Variants in CDC42BPB observed in about 807,000 individuals in gnomAD.
The protein encoded by CDC42BPB is CDC42 binding protein kinase beta, also known as serine/threonine-protein kinase MRCK beta.
In CDC42BPB, 37 loss-of-function variants were observed where a neutral mutation model predicts 214.9. That is an observed-to-expected ratio of 0.17 (90% CI 0.13 to 0.23). The LOEUF (loss-of-function observed/expected upper bound fraction) is 0.23, where lower values mean the gene tolerates loss of function less well. Among genes scored for constraint, CDC42BPB ranks in the 10% least tolerant of loss-of-function variants. CDC42BPB has a pLI of 1.00. For missense variants in CDC42BPB, 1,694 were observed against 2,227.0 expected, an observed-to-expected ratio of 0.76 and a Z score of 4.82; for synonymous variants, 931 against 884.0, an observed-to-expected ratio of 1.05 and a Z score of -0.94.
At chr14:102,988,902 C>T (rs868718201) in intron 5 of CDC42BPB, among the ~76,000 whole-genome samples, 18 of 145,260 alleles carry the variant, frequency 1.2e-4, no homozygotes, top group Admixed American at 1.0e-3. Flanking sequence ...CAAACCAACA[C>T]GTGGGTTTTC....
chr14:102,991,447 C>T (rs1894484332), intron 5 of CDC42BPB, among the ~76,000 whole-genome samples: 1 of 152,190 alleles, frequency 6.6e-6, no homozygotes, highest in Non-Finnish European at 1.5e-5. Flanking sequence ...GAAGACATGA[C>T]AATAAATGCA....
At chr14:103,017,937 T>C (rs1162634048) in intron 1 of CDC42BPB, among the ~76,000 whole-genome samples, 1 of 152,216 alleles carries the variant, frequency 6.6e-6, no homozygotes, top group Non-Finnish European at 1.5e-5. Context: ...AGGAAATACA[T>C]GCTAAAGCAG....
At chr14:103,000,554 T>C (rs893500639) in intron 4 of CDC42BPB, among the ~76,000 whole-genome samples, 13 of 152,198 alleles carry the variant, frequency 8.5e-5, no homozygotes, top group African/African-American at 2.9e-4. Flanking sequence ...TGTGCCTCAG[T>C]GAATGCTGGG....
Position 102,950,333 on chromosome 14 carries a change from G to T in CDC42BPB, c.3309+133C>A, listed in dbSNP as rs905883501. ...ACCTGATGGCCTCAGTGCCCAGGAG[G>T]GTAAGCCCCCTAGGACTGGCACCAG... On this transcript the variant is annotated intron_variant, in intron 25 of 36. Transcript: ENST00000361246. 1.0e-5 allele frequency: 13 copies of T among 1,249,876 alleles called. No individual in the cohort carries two copies. In the African/African-American group the frequency reaches 1.8e-4, roughly 17 times the overall value. 77.4% of individuals were successfully genotyped at this position (1,249,876 alleles called of 1,614,324 possible). A position where few individuals can be genotyped will look rare whatever the true frequency, so the allele number is the denominator to read the frequency against.
chr14:103,026,968 G>T (rs1887091467), intron 1 of CDC42BPB, among the ~76,000 whole-genome samples: 5 of 151,164 alleles, frequency 3.3e-5, no homozygotes, highest in Admixed American at 3.3e-4. Context: ...TACACAAAAA[G>T]CTCTCCCAAC....
intron 18 of CDC42BPB, among the ~76,000 whole-genome samples, chr14:102,965,375 T>C (rs763447773): frequency 4.1e-5 from 6 of 148,034 alleles, no homozygotes; most frequent in Non-Finnish European, 8.9e-5. Context: ...CATTACTCAT[T>C]CCTACCTGTG....
chr14:102,938,643 G>A (rs1301140511), intron 34 of CDC42BPB: 3 of 777,874 alleles, frequency 3.9e-6, no homozygotes, highest in Non-Finnish European at 3.1e-6. Context: ...TTGTTTGTTT[G>A]TTTGAGACTG....
chr14:102,977,669 T>C (rs1893817016), intron 9 of CDC42BPB, among the ~76,000 whole-genome samples: 1 of 152,168 alleles, frequency 6.6e-6, no homozygotes, highest in Non-Finnish European at 1.5e-5. Context: ...ACTGCTCTGC[T>C]TGCTGTGGCC....
chr14:102,986,669 A>G, intron 5 of CDC42BPB, 89 bp from the exon 6 acceptor site: 1 of 1,524,792 alleles, frequency 6.6e-7, no homozygotes, highest in South Asian at 1.3e-5. Context: ...TCAGATGAAT[A>G]AATGCTAATA....
chr14:102,937,960 C>T (rs936756597), intron 36 of CDC42BPB, 144 bp downstream of exon 36: 106 of 863,880 alleles, frequency 1.2e-4, no homozygotes, highest in East Asian at 2.7e-4. Flanking sequence ...ACAGCCACCC[C>T]GACCCCTGCC....
intron 3 of CDC42BPB, among the ~76,000 whole-genome samples, chr14:103,006,690 TAA>T (rs1331742462): frequency 6.6e-6 from 1 of 152,204 alleles, no homozygotes; most frequent in Non-Finnish European, 1.5e-5. Context: ...GATATAAAAA[TAA>T]AAAGATAAAT....
At position 102,974,218 on chromosome 14, in the gene CDC42BPB, GACTT is replaced by G. The variant is rs1341554008; in HGVS notation, c.1508-73_1508-70del. On this transcript the variant is annotated intron_variant, in intron 11 of 36. Transcript: ENST00000361246. The stretch of plus-strand genomic sequence containing the variant: ...ACTATATGTAAACTTTATGTTAGCT[GACTT>G]ACTGACAGGAAATTATTTAATAATT... The G allele has an allele frequency of 1.7e-5, 27 of 1,564,928 alleles. No individual in the cohort carries two copies. The Admixed American group carries it at 2.0e-4, about 11-fold the overall frequency.
chr14:103,004,984 C>G lies in CDC42BPB; in HGVS notation c.352-961G>C, dbSNP rs1386017135. On this transcript the variant is annotated intron_variant, in intron 3 of 36. Coordinates refer to ENST00000361246, the MANE Select transcript of CDC42BPB (RefSeq NM_006035.4). This position sits in a 1 kb window ranked among gnomAD's most constrained non-coding sequence, Gnocchi z 5.3. Reference sequence around the variant, plus strand: ...AGATCAAGACCATCCTGGCTAACACCGTGAAACCCCGTCTCTATTAAAAAT... The same window carrying G: ...AGATCAAGACCATCCTGGCTAACACGGTGAAACCCCGTCTCTATTAAAAAT... 6.6e-6 allele frequency among the ~76,000 whole-genome samples: 1 copy of G among 151,572 alleles called. No homozygotes were observed. The highest frequency in any genetic ancestry group is 1.5e-5 in the Non-Finnish European group (1 of 67,910).
intron 1 of CDC42BPB, among the ~76,000 whole-genome samples, chr14:103,019,590 C>A (rs555635545): frequency 6.6e-6 from 1 of 152,202 alleles, no homozygotes; most frequent in African/African-American, 2.4e-5. Flanking sequence ...CTGACATTCA[C>A]GAGGAGTCAT....
At chr14:102,991,119 G>GA (rs201050361) in intron 5 of CDC42BPB, among the ~76,000 whole-genome samples, 5,552 of 152,266 alleles carry the variant, frequency 0.036, 172 homozygotes, top group Middle Eastern at 0.11. Context: ...TCCCCACAGG[G>GA]AAAAAACTAT....
chr14:103,056,372 C>A (rs1254564853), intron 1 of CDC42BPB, among the ~76,000 whole-genome samples: 1 of 152,148 alleles, frequency 6.6e-6, no homozygotes. Context: ...CTCTGACCAA[C>A]AAGGGGATGT....
chr14:102,996,504 A>C (rs1480162400), intron 5 of CDC42BPB, among the ~76,000 whole-genome samples: 2 of 152,138 alleles, frequency 1.3e-5, no homozygotes, highest in Non-Finnish European at 2.9e-5. Context: ...TATAAAATCT[A>C]AATGTTAAAA....
chr14:103,014,947 C>T lies in CDC42BPB; in HGVS notation c.176-2759G>A, dbSNP rs573564424. ...CAAGGCTGTGCCCGGAACGTCCTCT[C>T]TTTTCTTTCCACATTAATTACTCTC... On this transcript the variant is annotated intron_variant, in intron 1 of 36. Coordinates refer to ENST00000361246, the MANE Select transcript of CDC42BPB (RefSeq NM_006035.4). 2.0e-5 allele frequency among the ~76,000 whole-genome samples: 3 copies of T among 152,374 alleles called. No homozygotes were observed. The East Asian group carries it at 5.8e-4, about 29-fold the overall frequency.
chr14:103,006,264 T>C (rs1469630757), intron 3 of CDC42BPB, among the ~76,000 whole-genome samples: 1 of 152,028 alleles, frequency 6.6e-6, no homozygotes, highest in Non-Finnish European at 1.5e-5. Flanking sequence ...CAAAAAGAAA[T>C]GGTGATGGAG....
Sources: gnomAD v4.1 joint callset for allele counts (sites outside exome capture counted in the v4.1 genomes callset) on GRCh38, gnomAD v4.1.1 for gene constraint, Gnocchi (gnomAD v3.1) non-coding constraint, MANE v1.5 for transcripts, NCBI Gene and HGNC (gene_info 2026-07-23, HGNC 2026-07-21) for gene names.